Variants in TRAM2 observed in about 807,000 individuals in gnomAD.
The protein encoded by TRAM2 is translocating chain-associated membrane protein 2.
In TRAM2, 12 loss-of-function variants were observed where a neutral mutation model predicts 51.0. The observed-to-expected ratio is 0.24, with a 90% CI of 0.15 to 0.38. TRAM2 has a LOEUF of 0.38. TRAM2 is among the 10% of genes least tolerant of loss of function. The pLI is 1.00. For missense variants in TRAM2, 361 were observed against 462.0 expected (o/e 0.78, Z 2.00); for synonymous variants, 175 against 179.4 (o/e 0.98, Z 0.20).
intron 1 of TRAM2, among the ~76,000 whole-genome samples, chr6:52,563,232 C>T (rs1355501971): frequency 1.3e-5 from 2 of 152,258 alleles, no homozygotes; most frequent in African/African-American, 4.8e-5. Context: ...TCTCTGTGTA[C>T]TGACATGGAA....
At chr6:52,521,549 T>A (rs1766673667) in intron 2 of TRAM2, among the ~76,000 whole-genome samples, 1 of 151,396 alleles carries the variant, frequency 6.6e-6, no homozygotes, top group Admixed American at 6.6e-5. Flanking sequence ...AAAAAAAAAT[T>A]AGCCGGGCGT....
At chr6:52,540,839 C>T (rs747626387) in intron 1 of TRAM2, among the ~76,000 whole-genome samples, 4 of 152,144 alleles carry the variant, frequency 2.6e-5, no homozygotes, top group Non-Finnish European at 4.4e-5. Flanking sequence ...AAAGTGACAA[C>T]GTGCTAATAC....
chr6:52,506,085 G>A lies in TRAM2; in HGVS notation c.678C>T (p.Phe226=). The change falls in exon 8 of 11, where the codon TTC becomes TTT. Residue 226 remains phenylalanine (F), a synonymous_variant. Coordinates refer to ENST00000182527, the MANE Select transcript of TRAM2 (RefSeq NM_012288.4). ...ILLLLQYSTE[F]LFHTARLFYF... ...AGAAGAGTCTAGCCGTGTGGAAGAG[G>A]AACTCAGTTGAGTACTGCAGCAGCA... is the stretch of plus-strand genomic sequence containing the variant. 1 of 1,614,200 alleles carries A rather than the reference G, an allele frequency of 6.2e-7. No individual in the cohort carries two copies. Among genetic ancestry groups the A allele is most frequent in the Non-Finnish European group, 8.5e-7 (1 of 1,180,038 alleles).
At chr6:52,551,068 T>G (rs1344955349) in intron 1 of TRAM2, among the ~76,000 whole-genome samples, 1 of 152,104 alleles carries the variant, frequency 6.6e-6, no homozygotes, top group Non-Finnish European at 1.5e-5. Flanking sequence ...CAAACTCAGA[T>G]CAAGATAAAC....
At chr6:52,520,027 C>T (rs945403538) in intron 2 of TRAM2, among the ~76,000 whole-genome samples, 7 of 152,108 alleles carry the variant, frequency 4.6e-5, no homozygotes, top group East Asian at 1.9e-4. Context: ...TTAATGGGTA[C>T]GGGGTTTGTT....
At chr6:52,535,109 CG>C (rs1766956155) in intron 2 of TRAM2, among the ~76,000 whole-genome samples, 1 of 152,230 alleles carries the variant, frequency 6.6e-6, no homozygotes, top group Non-Finnish European at 1.5e-5. Context: ...ACTATCAAAA[CG>C]CAACATCCTG....
chr6:52,561,636 C>T (rs911309757), intron 1 of TRAM2, among the ~76,000 whole-genome samples: 2 of 152,142 alleles, frequency 1.3e-5, no homozygotes. Flanking sequence ...CAGGCGCCCA[C>T]CACCACGCCC....
rs747547607 is a variant in TRAM2 at position 52,576,848 on chromosome 6, G to A, written c.68C>T (p.Ala23Val). 7.4e-5 allele frequency: 119 copies of A among 1,613,726 alleles called. No homozygotes were observed. The highest frequency in any genetic ancestry group is 1.0e-4 in the Non-Finnish European group (118 of 1,179,848). ...FSQEFVIHNH[A>V]DIGFCLVLCV... is the part of the protein sequence containing the mutation. ...GAGCACCAGGCAGAAGCCGATGTCCGCATGGTTGTGGATGACGAACTCCTG... is the reference window on the plus strand; with the variant it reads ...GAGCACCAGGCAGAAGCCGATGTCCACATGGTTGTGGATGACGAACTCCTG... Residue 23 changes from alanine to valine, a missense_variant, in exon 1 of 11, where the codon GCG (alanine) becomes GTG (valine). Ala to Val is a moderately conservative substitution (Grantham distance 64). Transcript: ENST00000182527.
intron 2 of TRAM2, among the ~76,000 whole-genome samples, chr6:52,517,848 A>G (rs1766580053): frequency 6.6e-6 from 1 of 152,096 alleles, no homozygotes; most frequent in African/African-American, 2.4e-5. Flanking sequence ...CTGGGAGTCC[A>G]CCCTAATCTC....
chr6:52,503,116 G>A lies in TRAM2; in HGVS notation c.*81C>T. 8.5e-7 allele frequency: 1 copy of A among 1,175,674 alleles called. No individual in the cohort carries two copies. The allele number at this position is 1,175,674 out of a possible 1,614,324, so 72.8% of individuals were successfully genotyped here. On this transcript the variant is annotated 3_prime_UTR_variant, in exon 11 of 11. Coordinates refer to ENST00000182527, the MANE Select transcript of TRAM2 (RefSeq NM_012288.4). The stretch of plus-strand genomic sequence containing the variant: ...GAGACGGAGCATCACAGGCAGGAAG[G>A]AGGAGGCAGGGAGGGGGCCTGGGCT...
At chr6:52,518,733 T>C (rs1179272896) in intron 2 of TRAM2, among the ~76,000 whole-genome samples, 1 of 152,188 alleles carries the variant, frequency 6.6e-6, no homozygotes, top group Admixed American at 6.5e-5. Context: ...AGGAGACTCA[T>C]GGCCCAGCCT....
At chr6:52,554,476 T>C (rs1767366043) in intron 1 of TRAM2, among the ~76,000 whole-genome samples, 1 of 94,368 alleles carries the variant, frequency 1.1e-5, no homozygotes, top group Admixed American at 9.4e-5. Context: ...GCAGATATCA[T>C]GTCACTGCAC....
chr6:52,509,667 G>T, intron 4 of TRAM2, 81 bp from the exon 5 acceptor site: 1 of 1,286,924 alleles, frequency 7.8e-7, no homozygotes, highest in Non-Finnish European at 1.1e-6. Flanking sequence ...CAGGGGTCAG[G>T]GATGCATCCA....
intron 1 of TRAM2, among the ~76,000 whole-genome samples, chr6:52,554,421 G>A (rs1366038790): frequency 6.6e-6 from 1 of 150,742 alleles, no homozygotes; most frequent in Non-Finnish European, 1.5e-5. Context: ...TCGGGTGGCT[G>A]AGGCAAGAGA....
intron 2 of TRAM2, chr6:52,524,342 C>CA (rs989499761): frequency 1.4e-5 from 2 of 143,502 alleles, no homozygotes; most frequent in Admixed American, 7.6e-5. Flanking sequence ...TAAGAAAGGG[C>CA]AGGAAAGAAA....
intron 1 of TRAM2, among the ~76,000 whole-genome samples, chr6:52,536,973 GGAAAT>G (rs1276671093): frequency 1.3e-5 from 2 of 152,206 alleles, no homozygotes; most frequent in Non-Finnish European, 2.9e-5. Flanking sequence ...AAGGCAGCAT[GGAAAT>G]GAGTGAATGA....
At chr6:52,529,864 G>T (rs1454828119) in intron 2 of TRAM2, 1 of 152,206 alleles carries the variant, frequency 6.6e-6, no homozygotes, top group African/African-American at 2.4e-5. Context: ...CCTGTGGGAA[G>T]AATCAAACTT....
At chr6:52,512,353 G>C (rs1015028030) in intron 4 of TRAM2, among the ~76,000 whole-genome samples, 6 of 152,166 alleles carry the variant, frequency 3.9e-5, no homozygotes, top group Admixed American at 1.3e-4. Context: ...GCCTGCTTGT[G>C]AATGTCCAGT....
At chr6:52,548,673 C>T (rs1767253465) in intron 1 of TRAM2, among the ~76,000 whole-genome samples, 1 of 152,220 alleles carries the variant, frequency 6.6e-6, no homozygotes, top group Non-Finnish European at 1.5e-5. Context: ...TCCATCTGAC[C>T]GTGACATCTG....
Sources: gnomAD v4.1 joint callset for allele counts (sites outside exome capture counted in the v4.1 genomes callset) on GRCh38, gnomAD v4.1.1 for gene constraint, MANE v1.5 for transcripts, NCBI Gene and HGNC (gene_info 2026-07-23, HGNC 2026-07-21) for gene names.